TMEM132D: variants seen among roughly 807,000 people sequenced by gnomAD.
TMEM132D encodes the protein mature OL transmembrane protein.
A neutral mutation model predicts 62.3 loss-of-function variants in TMEM132D; 21 were observed. That is an observed-to-expected ratio of 0.34 (90% CI 0.24 to 0.49). TMEM132D has a LOEUF of 0.49. Ranked by LOEUF, TMEM132D falls within the 20% of genes least tolerant of loss-of-function variation. TMEM132D has a pLI of 0.99. For synonymous variants in TMEM132D, 621 were observed against 575.6 expected (o/e 1.08, Z -1.13); for missense variants, 1,346 against 1,402.8 (o/e 0.96, Z 0.65).
intron 4 of TMEM132D, among the ~76,000 whole-genome samples, chr12:129,217,421 C>G (rs1879235841): frequency 6.6e-6 from 1 of 152,070 alleles, no homozygotes; most frequent in Admixed American, 6.6e-5. Flanking sequence ...ATTAATGCAC[C>G]CAATCTGAGC....
intron 3 of TMEM132D, among the ~76,000 whole-genome samples, chr12:129,367,619 C>T (rs181711167): frequency 1.2e-4 from 18 of 152,102 alleles, no homozygotes; most frequent in South Asian, 4.2e-4. Context: ...TGGCCATCTC[C>T]GCGGCCAAGA....
Position 129,277,817 on chromosome 12 carries a change from G to A in TMEM132D, c.1299+59817C>T, listed in dbSNP as rs1292093109. Reference sequence around the variant, plus strand: ...TCATGATGTGAATATGACAAAGTTTGGAAAATACTGACCCAGAGGATGGAT... The same window carrying A: ...TCATGATGTGAATATGACAAAGTTTAGAAAATACTGACCCAGAGGATGGAT... On this transcript the variant is annotated intron_variant, in intron 4 of 8. Coordinates refer to ENST00000422113, the MANE Select transcript of TMEM132D (RefSeq NM_133448.3). This position sits in a 1 kb window ranked among gnomAD's most constrained non-coding sequence, Gnocchi z 4.2. Among the ~76,000 whole-genome samples, 1 of 152,142 alleles carries A rather than the reference G, an allele frequency of 6.6e-6. No homozygotes were observed. Among genetic ancestry groups the A allele is most frequent in the Non-Finnish European group, 1.5e-5 (1 of 68,026 alleles).
At chr12:129,621,470 C>T (rs1188406100) in intron 2 of TMEM132D, among the ~76,000 whole-genome samples, 1 of 151,978 alleles carries the variant, frequency 6.6e-6, no homozygotes, top group Non-Finnish European at 1.5e-5. Context: ...GAGGCCAAGA[C>T]TTTGTCTCTT....
intron 2 of TMEM132D, among the ~76,000 whole-genome samples, chr12:129,535,723 T>G (rs1479290109): frequency 4.6e-5 from 7 of 151,596 alleles, no homozygotes; most frequent in African/African-American, 1.7e-4. Flanking sequence ...AAAAGTGGGA[T>G]AAAGGGGAAT....
chr12:129,841,770 C>T (rs1483293243), intron 1 of TMEM132D, among the ~76,000 whole-genome samples: 2 of 151,944 alleles, frequency 1.3e-5, no homozygotes, highest in South Asian at 4.1e-4. Flanking sequence ...CCCAAAATAC[C>T]AAAGCAATCA....
At chr12:129,805,366 A>T (rs1410733347) in intron 1 of TMEM132D, among the ~76,000 whole-genome samples, 1 of 152,092 alleles carries the variant, frequency 6.6e-6, no homozygotes, top group Non-Finnish European at 1.5e-5. Context: ...GGAACAGAAC[A>T]GAGCCCTCAG....
chr12:129,647,243 G>GTTT (rs57450911), intron 2 of TMEM132D, among the ~76,000 whole-genome samples: 17,363 of 117,346 alleles, frequency 0.15, 1,512 homozygotes, highest in South Asian at 0.16. Context: ...TTGTTTTTCT[G>GTTT]TTTTTTTTTT....
intron 3 of TMEM132D, among the ~76,000 whole-genome samples, chr12:129,469,931 G>C (rs1874044358): frequency 6.6e-6 from 1 of 152,170 alleles, no homozygotes; most frequent in South Asian, 2.1e-4. Context: ...TCTGCACTGG[G>C]GGGTCATAAT....
intron 4 of TMEM132D, among the ~76,000 whole-genome samples, chr12:129,292,343 G>A (rs377589832): frequency 6.6e-5 from 10 of 152,156 alleles, no homozygotes; most frequent in South Asian, 4.1e-4. Context: ...TCCCATTAGC[G>A]TATCTGAAAG....
intron 1 of TMEM132D, among the ~76,000 whole-genome samples, chr12:129,832,615 A>G (rs1487320474): frequency 2.6e-5 from 4 of 152,098 alleles, no homozygotes; most frequent in Admixed American, 2.6e-4. Flanking sequence ...CACTAGGTCC[A>G]TCCCAGCATG....
intron 5 of TMEM132D, chr12:129,110,865 CATAT>C (rs1314837849): frequency 6.6e-6 from 1 of 152,282 alleles, no homozygotes; most frequent in Non-Finnish European, 1.5e-5. Context: ...TCTCCCTACC[CATAT>C]GGAGAGATTG....
At chr12:129,769,685 C>G (rs568962622) in intron 1 of TMEM132D, among the ~76,000 whole-genome samples, 2 of 152,262 alleles carry the variant, frequency 1.3e-5, no homozygotes, top group African/African-American at 4.8e-5. Context: ...GTAAGTTAGC[C>G]AATCCTTGGA....
chr12:129,267,636 C>T (rs916243807), intron 4 of TMEM132D, among the ~76,000 whole-genome samples: 10 of 152,108 alleles, frequency 6.6e-5, no homozygotes, highest in African/African-American at 2.2e-4. Context: ...CGGTGCCATC[C>T]CTATCAAGCT....
chr12:129,311,431 A>G (rs1489513069), intron 4 of TMEM132D, among the ~76,000 whole-genome samples: 2 of 152,160 alleles, frequency 1.3e-5, no homozygotes, highest in African/African-American at 4.8e-5. Flanking sequence ...TATAGGCACC[A>G]TCATGTGTTC....
chr12:129,797,094 C>T (rs1871586117), intron 1 of TMEM132D, among the ~76,000 whole-genome samples: 1 of 152,192 alleles, frequency 6.6e-6, no homozygotes, highest in Non-Finnish European at 1.5e-5. Context: ...CAACTCACTT[C>T]ATATTTCAAA....
chr12:129,076,611 A>C (rs1408751421), intron 8 of TMEM132D, among the ~76,000 whole-genome samples: 1 of 152,256 alleles, frequency 6.6e-6, no homozygotes, highest in Non-Finnish European at 1.5e-5. Flanking sequence ...GCCAAGGCAC[A>C]GTGCAAAAGC....
chr12:129,537,128 C>T (rs565026938), intron 2 of TMEM132D, among the ~76,000 whole-genome samples: 4 of 133,454 alleles, frequency 3.0e-5, no homozygotes, highest in Non-Finnish European at 6.1e-5. Context: ...CCACTGCACT[C>T]CAGCCTGGGT....
chr12:129,094,038 G>T lies in TMEM132D; in HGVS notation c.1444-9336C>A, dbSNP rs571498319. ...CTTATACAAAAATTAATTCAAGATG[G>T]ATTAAAGACTTAAATGTTAGACCTA... On this transcript the variant is annotated intron_variant, in intron 5 of 8. Coordinates refer to ENST00000422113, the MANE Select transcript of TMEM132D (RefSeq NM_133448.3). 8.4e-4 allele frequency among the ~76,000 whole-genome samples: 128 copies of T among 151,788 alleles called. 1 individual carries two copies. Among genetic ancestry groups the T allele is most frequent in the African/African-American group, 2.8e-3 (117 of 41,186 alleles).
Position 129,903,273 on chromosome 12 carries a change from G to T in TMEM132D, c.67C>A (p.Leu23Met). 1 of 1,553,446 alleles carries T rather than the reference G, an allele frequency of 6.4e-7. No individual in the cohort carries two copies. The highest frequency in any genetic ancestry group is 8.7e-7 in the Non-Finnish European group (1 of 1,148,060). The change falls in exon 1 of 9, where the codon CTG becomes ATG. Residue 23 changes from leucine (L) to methionine (M), a missense_variant. By Grantham distance (15) the Leu-to-Met change is conservative. Coordinates refer to ENST00000422113, the MANE Select transcript of TMEM132D (RefSeq NM_133448.3). The surrounding 1 kb of genome is among the most constrained non-coding windows in gnomAD (Gnocchi z 6.2). The part of the protein sequence containing the change: ...WSPVLISLAA[L>M]FSKVTEGRGI... ...GCGGCGTCCTCACCTTTGGAAAACA[G>T]GGCGGCCAGGCTGATGAGTACCGGC... is the stretch of plus-strand genomic sequence containing the variant.
Sources: allele counts gnomAD v4.1 joint callset (sites outside exome capture counted in the v4.1 genomes callset), GRCh38; gene constraint gnomAD v4.1.1; non-coding constraint Gnocchi (gnomAD v3.1); transcripts MANE v1.5; gene names NCBI Gene and HGNC (gene_info 2026-07-23, HGNC 2026-07-21).